ELFN1: variants seen among roughly 807,000 people sequenced by gnomAD.
ELFN1 encodes the protein protein ELFN1.
In ELFN1, 6 loss-of-function variants were observed where a neutral mutation model predicts 7.6. That is an observed-to-expected ratio of 0.79 (90% CI 0.43 to 1.56). The LOEUF (loss-of-function observed/expected upper bound fraction) is 1.56, where lower values mean the gene tolerates loss of function less well. Among genes scored for constraint, ELFN1 ranks in the 40% most tolerant of loss-of-function variants. The pLI is 0.01. For missense variants in ELFN1, 1,169 were observed against 1,232.2 expected (o/e 0.95, Z 0.77); for synonymous variants, 657 against 588.1 (o/e 1.12, Z -1.70).
intron 1 of ELFN1, among the ~76,000 whole-genome samples, chr7:1,682,314 T>C (rs1239570665): frequency 6.6e-6 from 1 of 152,252 alleles, no homozygotes; most frequent in Non-Finnish European, 1.5e-5. Flanking sequence ...CTTGTTTTGC[T>C]GTATACATGT....
intron 3 of ELFN1, among the ~76,000 whole-genome samples, chr7:1,724,993 A>G (rs545695980): frequency 6.6e-6 from 1 of 152,348 alleles, no homozygotes; most frequent in African/African-American, 2.4e-5. Flanking sequence ...GGCCCTGGCG[A>G]GGCCCCTGTG....
At position 1,673,583 on chromosome 7, in the gene ELFN1, C is replaced by T. The variant is rs775112157; in HGVS notation, c.-549+3229C>T. ...CTTCCAGCCTCCTGGGGAGGGAGGG[C>T]GGGAGGTGAGAGACCACCCTGGGAG... On this transcript the variant is annotated intron_variant, in intron 1 of 3. Coordinates refer to ENST00000424383, the MANE Select transcript of ELFN1 (RefSeq NM_001128636.4). The surrounding 1 kb of genome is among the most constrained non-coding windows in gnomAD (Gnocchi z 4.7). Among the ~76,000 whole-genome samples, 3 of 143,628 alleles carry T rather than the reference C, an allele frequency of 2.1e-5. No individual in the cohort carries two copies. Among genetic ancestry groups the T allele is most frequent in the Admixed American group, 6.9e-5 (1 of 14,570 alleles). The allele number at this position is 143,628 out of a possible 152,430, so 94.2% of individuals were successfully genotyped here.
At chr7:1,682,420 T>C (rs1778989515) in intron 1 of ELFN1, among the ~76,000 whole-genome samples, 1 of 152,080 alleles carries the variant, frequency 6.6e-6, no homozygotes. Flanking sequence ...ATTTGAAGTA[T>C]ATGCCTATTT....
intron 2 of ELFN1, among the ~76,000 whole-genome samples, chr7:1,691,285 A>T (rs930401644): frequency 2.0e-5 from 3 of 152,140 alleles, no homozygotes; most frequent in Non-Finnish European, 2.9e-5. Flanking sequence ...GTCTGTTTGC[A>T]CCCTCGGAGG....
intron 3 of ELFN1, among the ~76,000 whole-genome samples, chr7:1,726,665 C>T (rs571109966): frequency 6.6e-6 from 1 of 152,314 alleles, no homozygotes; most frequent in Admixed American, 6.5e-5. Flanking sequence ...CCTCTACCTC[C>T]TGGATACAGA....
rs147984366 is a variant in ELFN1, at chr7:1,697,021, C to T, written c.-456+8871C>T. Among the ~76,000 whole-genome samples the T allele has an allele frequency of 1.6e-3, 248 of 152,326 alleles. 3 individuals carry two copies. The highest frequency in any genetic ancestry group is 5.7e-3 in the African/African-American group (238 of 41,572). ...GGGAGGCTTCTCAGAGGAGGTGACT[C>T]GCCCAGGCTGGGGTCCAAGGCCCAG... On this transcript the variant is annotated intron_variant, in intron 2 of 3. Transcript: ENST00000424383.
intron 1 of ELFN1, among the ~76,000 whole-genome samples, chr7:1,686,768 G>C (rs1368540494): frequency 6.6e-6 from 1 of 152,010 alleles, no homozygotes; most frequent in Non-Finnish European, 1.5e-5. Flanking sequence ...TGAATTGCTT[G>C]GGCCCTCTCT....
intron 1 of ELFN1, among the ~76,000 whole-genome samples, chr7:1,679,141 G>A (rs1413689516): frequency 2.0e-5 from 3 of 151,638 alleles, no homozygotes; most frequent in Admixed American, 1.3e-4. Context: ...ACACACACGC[G>A]TGCGCGCACA....
chr7:1,682,193 G>A (rs1195304969), intron 1 of ELFN1, among the ~76,000 whole-genome samples: 1 of 152,110 alleles, frequency 6.6e-6, no homozygotes, highest in Non-Finnish European at 1.5e-5. Flanking sequence ...CCTAACCCAA[G>A]GTCACAAAGA....
At chr7:1,700,496 T>C (rs1253525408) in intron 2 of ELFN1, among the ~76,000 whole-genome samples, 1 of 152,208 alleles carries the variant, frequency 6.6e-6, no homozygotes, top group African/African-American at 2.4e-5. Context: ...GTCAACACTC[T>C]CCGGGGGAGA....
chr7:1,730,809 C>T, intron 3 of ELFN1, among the ~76,000 whole-genome samples: 1 of 151,854 alleles, frequency 6.6e-6, no homozygotes. Context: ...AAATTCTGGA[C>T]ATAGCAATAA....
At chr7:1,688,603 C>T (rs1779101295) in intron 2 of ELFN1, among the ~76,000 whole-genome samples, 2 of 152,164 alleles carry the variant, frequency 1.3e-5, no homozygotes, top group African/African-American at 4.8e-5. Context: ...TTTTCAATGA[C>T]ATTATTTTAT....
chr7:1,704,179 G>A (rs1013707969), intron 2 of ELFN1, among the ~76,000 whole-genome samples: 5 of 152,208 alleles, frequency 3.3e-5, no homozygotes, highest in African/African-American at 1.2e-4. Flanking sequence ...GGAGAAGGGA[G>A]CCTGCAGCCG....
At position 1,670,467 on chromosome 7, in the gene ELFN1, T is replaced by G. The variant is rs1254876760; in HGVS notation, c.-549+113T>G. On this transcript the variant is annotated intron_variant, in intron 1 of 3. Transcript: ENST00000424383. This position sits in a 1 kb window ranked among gnomAD's most constrained non-coding sequence, Gnocchi z 6.4. ...ACCTCGAACCCCGGGCGTCCCCGAG[T>G]GCGCAGCGTGCGCCCCCAGCCCCTG... 6.7e-6 allele frequency among the ~76,000 whole-genome samples: 1 copy of G among 150,260 alleles called. No homozygotes were observed. Among genetic ancestry groups the G allele is most frequent in the Non-Finnish European group, 1.5e-5 (1 of 67,428 alleles).
At chr7:1,719,159 GCCCA>G (rs1189776262) in intron 3 of ELFN1, among the ~76,000 whole-genome samples, 1 of 129,670 alleles carries the variant, frequency 7.7e-6, no homozygotes, top group African/African-American at 3.6e-5. Flanking sequence ...ACAGGGCCCC[GCCCA>G]CCAACAGGGC....
chr7:1,667,038 C>T (rs1444870195), upstream of ELFN1, among the ~76,000 whole-genome samples: 1 of 151,846 alleles, frequency 6.6e-6, no homozygotes, highest in Non-Finnish European at 1.5e-5. This position sits in a 1 kb window ranked among gnomAD's most constrained non-coding sequence, Gnocchi z 8.2. Flanking sequence ...CCAGAGCGGA[C>T]CCCCAGCTCT....
intron 1 of ELFN1, among the ~76,000 whole-genome samples, chr7:1,675,006 AG>A (rs940810340): frequency 1.2e-5 from 1 of 84,760 alleles, no homozygotes; most frequent in African/African-American, 7.6e-5. Flanking sequence ...ATCTGGGCTC[AG>A]CCCTGCTCCC....
chr7:1,746,630 C>A lies in ELFN1; in HGVS notation c.2034C>A (p.Asp678Glu), dbSNP rs1258629761. The A allele has an allele frequency of 3.0e-6, 4 of 1,353,732 alleles. No homozygotes were observed. The East Asian group carries it at 1.3e-4, about 44-fold the overall frequency. 83.9% of individuals were successfully genotyped at this position (1,353,732 alleles called of 1,614,324 possible). A position where few individuals can be genotyped will look rare whatever the true frequency, so the allele number is the denominator to read the frequency against. ...TCGAGAAGGGCTCCCCCGCGGCCGA[C>A]GCCATCCTCACTGTGACACCCGCGG... ...KYIEKGSPAADAILTVTPAAA... is the reference protein window; with the variant it reads ...KYIEKGSPAAEAILTVTPAAA... Residue 678 changes from aspartate (D) to glutamate (E), a missense_variant, in exon 4 of 4, where the codon GAC (aspartate) becomes GAA (glutamate). Coordinates refer to ENST00000424383, the MANE Select transcript of ELFN1 (RefSeq NM_001128636.4).
intron 3 of ELFN1, among the ~76,000 whole-genome samples, chr7:1,736,440 C>T (rs1300448519): frequency 6.6e-6 from 1 of 152,208 alleles, no homozygotes; most frequent in South Asian, 2.1e-4. Flanking sequence ...GATGCACGCC[C>T]GTCCCAGCAC....
Sources: gnomAD v4.1 joint callset for allele counts (sites outside exome capture counted in the v4.1 genomes callset) on GRCh38, gnomAD v4.1.1 for gene constraint, Gnocchi (gnomAD v3.1) non-coding constraint, MANE v1.5 for transcripts, NCBI Gene and HGNC (gene_info 2026-07-23, HGNC 2026-07-21) for gene names.